CNOT7: variants seen among roughly 807,000 people sequenced by gnomAD.
CNOT7 encodes BTG1-binding factor 1.
In CNOT7, 4 loss-of-function variants were observed where a neutral mutation model predicts 37.1. The ratio of observed to expected loss-of-function variants is 0.11; its 90% CI spans 0.05 to 0.25. CNOT7 has a LOEUF of 0.25. Ranked by LOEUF, CNOT7 falls within the 10% of genes least tolerant of loss-of-function variation. The probability of loss-of-function intolerance (pLI) is 1.00; values close to 1 mark genes in which losing one functional copy is unlikely to be tolerated. For missense variants in CNOT7, 170 were observed against 336.2 expected (o/e 0.51, Z 3.87); for synonymous variants, 128 against 115.6 (o/e 1.11, Z -0.69).
intron 2 of CNOT7, chr8:17,243,757 C>T: frequency 2.4e-6 from 1 of 408,514 alleles, no homozygotes; most frequent in South Asian, 1.8e-5. Flanking sequence ...CTCTATGTTG[C>T]CACTCTTTAT....
chr8:17,244,258 A>G (rs1810582045), intron 2 of CNOT7: 1 of 152,720 alleles, frequency 6.5e-6, no homozygotes, highest in African/African-American at 2.4e-5. Flanking sequence ...TAGGCAGACC[A>G]AACAGCACGT....
At chr8:17,235,703 C>T (rs560897578) in intron 4 of CNOT7, among the ~76,000 whole-genome samples, 64 of 152,262 alleles carry the variant, frequency 4.2e-4, no homozygotes, top group Admixed American at 2.0e-3. Flanking sequence ...TGCTCACTAA[C>T]ATTAAAAGAT....
At chr8:17,231,711 G>A (rs752281006) in intron 6 of CNOT7, 3 of 985,224 alleles carry the variant, frequency 3.0e-6, no homozygotes, top group Non-Finnish European at 3.6e-6. Context: ...ATAGCTAGGT[G>A]TATCTGTGCA....
In CNOT7 at chr8:17,231,360, G is replaced by A. The variant is rs1306011464; in HGVS notation, c.730-512C>T. On this transcript the variant is annotated intron_variant, in intron 6 of 6. Coordinates refer to ENST00000361272, the MANE Select transcript of CNOT7 (RefSeq NM_013354.7). The stretch of plus-strand genomic sequence containing the variant: ...AATTAGTGCCAGAAATCCACCTTTA[G>A]TTAAATAAACCATTAAGACATTTTT... Among the ~76,000 whole-genome samples the A allele has an allele frequency of 3.9e-5, 6 of 152,104 alleles. No homozygotes were observed. In the East Asian group the frequency reaches 1.2e-3, roughly 29 times the overall value.
At position 17,229,069 on chromosome 8, in the gene CNOT7, C is replaced by G. The variant is rs899412632; in HGVS notation, c.*1651G>C. On this transcript the variant is annotated 3_prime_UTR_variant, in exon 7 of 7. Coordinates refer to ENST00000361272, the MANE Select transcript of CNOT7 (RefSeq NM_013354.7). ...CATAAAGAACAAGAATAAGCCAACACTTGAAATGCAGAAAACTCAGACTGA... is the reference window on the plus strand; with the variant it reads ...CATAAAGAACAAGAATAAGCCAACAGTTGAAATGCAGAAAACTCAGACTGA... 2 of 151,894 alleles carry G rather than the reference C, an allele frequency of 1.3e-5. No homozygotes were observed. The highest frequency in any genetic ancestry group is 2.9e-5 in the Non-Finnish European group (2 of 67,832). 9.4% of individuals were successfully genotyped at this position (151,894 alleles called of 1,614,324 possible).
At chr8:17,233,316 G>C (rs1265686719) in intron 5 of CNOT7, among the ~76,000 whole-genome samples, 1 of 152,176 alleles carries the variant, frequency 6.6e-6, no homozygotes, top group Non-Finnish European at 1.5e-5. Context: ...GTGCATCACA[G>C]CTTGAAACAA....
chr8:17,243,486 A>G (rs563846291), intron 2 of CNOT7: 3 of 523,548 alleles, frequency 5.7e-6, no homozygotes, highest in East Asian at 1.0e-4. Context: ...CCTGTCTCCC[A>G]AAGGATACAT....
At chr8:17,232,619 C>A in intron 5 of CNOT7, 82 bp from the exon 6 acceptor site, 2 of 1,213,530 alleles carry the variant, frequency 1.6e-6, no homozygotes, top group African/African-American at 1.5e-5. Flanking sequence ...AGACGCTGAC[C>A]AAAATAAAAA....
chr8:17,240,966 A>C (rs1458656440), intron 3 of CNOT7, among the ~76,000 whole-genome samples: 1 of 152,208 alleles, frequency 6.6e-6, no homozygotes. Flanking sequence ...ATAATGTTTT[A>C]AGAAAGTTTA....
chr8:17,232,602 T>C, intron 5 of CNOT7, 65 bp from the exon 6 acceptor site: 1 of 1,418,862 alleles, frequency 7.0e-7, no homozygotes, highest in Non-Finnish European at 9.8e-7. Context: ...TCACAAATTA[T>C]AAACTTAGAC....
rs936509120 is a variant in CNOT7, at chr8:17,245,212, T to A, written c.-60A>T. On this transcript the variant is annotated 5_prime_UTR_variant, in exon 2 of 7. Coordinates refer to ENST00000361272, the MANE Select transcript of CNOT7 (RefSeq NM_013354.7). ...CAAAATGTTATACTTGATTGAAGAT[T>A]TGTTTCATAAAATATTTTATCCTTT... The A allele has an allele frequency of 2.0e-6, 3 of 1,513,520 alleles. No individual in the cohort carries two copies. The Admixed American group carries it at 6.8e-5, about 34-fold the overall frequency. 93.8% of individuals were successfully genotyped at this position (1,513,520 alleles called of 1,614,324 possible).
At chr8:17,238,644 G>A (rs1489882232) in intron 3 of CNOT7, among the ~76,000 whole-genome samples, 1 of 151,758 alleles carries the variant, frequency 6.6e-6, no homozygotes, top group Non-Finnish European at 1.5e-5. Flanking sequence ...GCAATGAAAG[G>A]GATAAAAAAC....
rs546558334 is a variant in CNOT7 at position 17,237,715 on chromosome 8, AG to A, written c.312-343del. On this transcript the variant is annotated intron_variant, in intron 3 of 6. Coordinates refer to ENST00000361272, the MANE Select transcript of CNOT7 (RefSeq NM_013354.7). ...GGCTACCGTCGCAAAGTGACAGACAAGTTTTTTCAGAGACTCTCAGTCTCAG... is the reference window on the plus strand; with the variant it reads ...GGCTACCGTCGCAAAGTGACAGACAATTTTTTCAGAGACTCTCAGTCTCAG... 664 of 196,010 alleles carry A rather than the reference AG, an allele frequency of 3.4e-3. 7 individuals carry two copies. The highest frequency in any genetic ancestry group is 0.014 in the African/African-American group (595 of 43,122). The allele number at this position is 196,010 out of a possible 1,614,324, so 12.1% of individuals were successfully genotyped here.
At chr8:17,238,704 G>C (rs972187158) in intron 3 of CNOT7, among the ~76,000 whole-genome samples, 2 of 152,152 alleles carry the variant, frequency 1.3e-5, no homozygotes, top group African/African-American at 4.8e-5. Context: ...CAAGGTATAG[G>C]TATACAAGTA....
At chr8:17,245,834 C>G (rs759491900) in intron 1 of CNOT7, 1 of 152,066 alleles carries the variant, frequency 6.6e-6, no homozygotes. Context: ...ACGTCTAAAA[C>G]TTAGAGCATA....
intron 3 of CNOT7, 77 bp from the exon 4 acceptor site, chr8:17,237,450 A>G (rs1809529163): frequency 7.4e-7 from 1 of 1,348,120 alleles, no homozygotes; most frequent in Non-Finnish European, 1.0e-6. Context: ...TACATCTATA[A>G]CTACAGTGCC....
intron 6 of CNOT7, chr8:17,231,472 C>A (rs1055981988): frequency 3.1e-6 from 3 of 959,504 alleles, no homozygotes; most frequent in Admixed American, 6.2e-5. Context: ...ATTTACGTGT[C>A]ATGAATGGAT....
In CNOT7 at chr8:17,230,328, A is replaced by T. The variant is rs1483088799; in HGVS notation, c.*392T>A. The T allele has an allele frequency of 6.5e-6, 1 of 153,532 alleles. No homozygotes were observed. The highest frequency in any genetic ancestry group is 1.5e-5 in the Non-Finnish European group (1 of 68,774). 9.5% of individuals were successfully genotyped at this position (153,532 alleles called of 1,614,324 possible). On this transcript the variant is annotated 3_prime_UTR_variant, in exon 7 of 7. Coordinates refer to ENST00000361272, the MANE Select transcript of CNOT7 (RefSeq NM_013354.7). ...TGGTCCACGATCTCAAATAGCTAAA[A>T]CTCCTGCAGAATGGAAGGGAGAGAC...
intron 6 of CNOT7, 36 bp downstream of exon 6, chr8:17,232,388 TAAC>T: frequency 6.2e-7 from 1 of 1,613,576 alleles, no homozygotes; most frequent in Non-Finnish European, 8.5e-7. Context: ...GTTCTCAACC[TAAC>T]AACCAACTGA....
Sources: gnomAD v4.1 joint callset for allele counts (sites outside exome capture counted in the v4.1 genomes callset) on GRCh38, gnomAD v4.1.1 for gene constraint, MANE v1.5 for transcripts, NCBI Gene and HGNC (gene_info 2026-07-23, HGNC 2026-07-21) for gene names.